Variants in MAML3 observed in about 807,000 individuals in gnomAD.
MAML3 encodes the protein mastermind-like protein 3.
In MAML3, 27 loss-of-function variants were observed where a neutral mutation model predicts 101.9. The ratio of observed to expected loss-of-function variants is 0.27; its 90% confidence interval spans 0.20 to 0.37. MAML3 has a LOEUF of 0.37. MAML3 is among the 10% of genes least tolerant of loss of function. The probability of loss-of-function intolerance (pLI) is 1.00; values close to 1 mark genes in which losing one functional copy is unlikely to be tolerated. For synonymous variants in MAML3, 501 were observed against 555.9 expected, an observed-to-expected ratio of 0.90 and a Z score of 1.39; for missense variants, 1,316 against 1,444.9, an observed-to-expected ratio of 0.91 and a Z score of 1.45.
At chr4:139,884,535 G>T (rs1216325376) in intron 2 of MAML3, among the ~76,000 whole-genome samples, 2 of 152,132 alleles carry the variant, frequency 1.3e-5, no homozygotes, top group Non-Finnish European at 2.9e-5. Context: ...GTTATTCTTG[G>T]GCTCTGGGCT....
At chr4:140,022,384 T>A (rs1285218452) in intron 1 of MAML3, among the ~76,000 whole-genome samples, 1 of 152,172 alleles carries the variant, frequency 6.6e-6, no homozygotes, top group African/African-American at 2.4e-5. Context: ...TGGGGTAAAG[T>A]TAAAGTAAGG....
chr4:139,762,924 G>T (rs981117605), intron 2 of MAML3, among the ~76,000 whole-genome samples: 1 of 152,072 alleles, frequency 6.6e-6, no homozygotes, highest in African/African-American at 2.4e-5. Context: ...TGCATATTTC[G>T]TGTCTATGTG....
intron 2 of MAML3, among the ~76,000 whole-genome samples, chr4:139,732,923 G>A (rs1449898702): frequency 6.6e-6 from 1 of 152,164 alleles, no homozygotes; most frequent in Non-Finnish European, 1.5e-5. Flanking sequence ...AAGACAGCTA[G>A]GAAATATTTT....
At chr4:139,749,397 T>C (rs996296425) in intron 2 of MAML3, among the ~76,000 whole-genome samples, 2 of 152,230 alleles carry the variant, frequency 1.3e-5, no homozygotes, top group Non-Finnish European at 2.9e-5. Flanking sequence ...TATATTCCCT[T>C]CCTAATCTGC....
chr4:139,773,649 T>C lies in MAML3; in HGVS notation c.2080-42982A>G, dbSNP rs183778924. Among the ~76,000 whole-genome samples, 549 of 151,982 alleles carry C rather than the reference T, an allele frequency of 3.6e-3. 1 individual carries two copies. The highest frequency in any genetic ancestry group is 5.4e-3 in the Non-Finnish European group (364 of 67,922). On this transcript the variant is annotated intron_variant, in intron 2 of 4. Transcript: ENST00000509479. ...GAAGATGAGCCTGTGCAAAACAAAATAAAAAAGGAGATTCTGAAGTTCCTC... is the reference window on the plus strand; with the variant it reads ...GAAGATGAGCCTGTGCAAAACAAAACAAAAAAGGAGATTCTGAAGTTCCTC...
chr4:140,009,812 G>A, intron 1 of MAML3, among the ~76,000 whole-genome samples: 1 of 152,190 alleles, frequency 6.6e-6, no homozygotes, highest in East Asian at 1.9e-4. Flanking sequence ...ATAAGAATCT[G>A]GGAAGGTACT....
intron 2 of MAML3, among the ~76,000 whole-genome samples, chr4:139,748,378 T>C (rs1000306338): frequency 3.1e-4 from 47 of 152,194 alleles, no homozygotes; most frequent in African/African-American, 1.0e-3. Context: ...CTAAGGGACC[T>C]GAATACCAGG....
intron 2 of MAML3, among the ~76,000 whole-genome samples, chr4:139,838,297 T>C (rs558312821): frequency 1.3e-5 from 2 of 152,318 alleles, no homozygotes; most frequent in East Asian, 1.9e-4. Flanking sequence ...AGGCACTAGA[T>C]TTTTAGCTTT....
chr4:139,982,916 TATCA>T (rs1270667831), intron 1 of MAML3, among the ~76,000 whole-genome samples: 1 of 152,204 alleles, frequency 6.6e-6, no homozygotes, highest in African/African-American at 2.4e-5. Flanking sequence ...AGGAAAAAAC[TATCA>T]ATCAGAGTAC....
chr4:139,727,247 G>A (rs1728509835), intron 3 of MAML3, among the ~76,000 whole-genome samples: 1 of 152,180 alleles, frequency 6.6e-6, no homozygotes, highest in Admixed American at 6.5e-5. Context: ...CTACCATAAT[G>A]TTCTACAGAA....
At chr4:139,837,217 GC>G (rs1731270476) in intron 2 of MAML3, among the ~76,000 whole-genome samples, 2 of 151,570 alleles carry the variant, frequency 1.3e-5, no homozygotes, top group South Asian at 4.2e-4. Flanking sequence ...ACTTTTCCTG[GC>G]CGGCGTGGTG....
rs377343968 is a variant in MAML3, at chr4:139,856,450, T to C, written c.2079+32907A>G. 3.8e-4 allele frequency among the ~76,000 whole-genome samples: 58 copies of C among 152,316 alleles called. No homozygotes were observed. The South Asian group carries it at 7.5e-3, about 20-fold the overall frequency. ...AGCGACTGACTTTAACTCTCTCCTC[T>C]AGCATAAAGCAGTTTTCTGGATGGA... On this transcript the variant is annotated intron_variant, in intron 2 of 4. Coordinates refer to ENST00000509479, the MANE Select transcript of MAML3 (RefSeq NM_018717.5).
chr4:139,833,112 C>T (rs1346859243), intron 2 of MAML3, among the ~76,000 whole-genome samples: 4 of 152,212 alleles, frequency 2.6e-5, no homozygotes, highest in African/African-American at 9.7e-5. Flanking sequence ...CCTCACTCTT[C>T]GTCACGTCAC....
intron 1 of MAML3, among the ~76,000 whole-genome samples, chr4:139,902,261 A>G (rs1450833036): frequency 4.4e-4 from 31 of 70,658 alleles, no homozygotes; most frequent in Admixed American, 1.4e-3. Context: ...ACGCACACAC[A>G]CGCACACACA....
chr4:140,055,756 A>C (rs918030568), intron 1 of MAML3, among the ~76,000 whole-genome samples: 1 of 152,200 alleles, frequency 6.6e-6, no homozygotes, highest in Non-Finnish European at 1.5e-5. Flanking sequence ...CACCATGGGC[A>C]GTCAGGCAGT....
At chr4:139,970,321 T>A (rs1369294617) in intron 1 of MAML3, among the ~76,000 whole-genome samples, 1 of 152,072 alleles carries the variant, frequency 6.6e-6, no homozygotes, top group Admixed American at 6.5e-5. Flanking sequence ...AAGCAAAAGC[T>A]GGAAGTAGGA....
At chr4:139,814,730 G>A (rs1730865479) in intron 2 of MAML3, among the ~76,000 whole-genome samples, 1 of 152,036 alleles carries the variant, frequency 6.6e-6, no homozygotes, top group Non-Finnish European at 1.5e-5. Context: ...GCACACAGTG[G>A]CTGGGAGTTT....
chr4:140,138,580 C>T lies in MAML3; in HGVS notation c.468+14280G>A, dbSNP rs147096487. ...TGAGGTGCTGATCTGCACACACCAC[C>T]GTGAGGAAATACCTTAAGTGATTAA... On this transcript the variant is annotated intron_variant, in intron 1 of 4. Coordinates refer to ENST00000509479, the MANE Select transcript of MAML3 (RefSeq NM_018717.5). 4.1e-3 allele frequency among the ~76,000 whole-genome samples: 631 copies of T among 152,236 alleles called. 1 individual carries two copies. Among genetic ancestry groups the T allele is most frequent in the Middle Eastern group, 6.8e-3 (2 of 294 alleles).
intron 1 of MAML3, among the ~76,000 whole-genome samples, chr4:139,908,369 G>T (rs1732857322): frequency 6.6e-6 from 1 of 152,066 alleles, no homozygotes; most frequent in Admixed American, 6.5e-5. Context: ...TGCTAATTTT[G>T]CATTTAGCTG....
Sources: gnomAD v4.1 joint callset for allele counts (sites outside exome capture counted in the v4.1 genomes callset) on GRCh38, gnomAD v4.1.1 for gene constraint, MANE v1.5 for transcripts, NCBI Gene and HGNC (gene_info 2026-07-23, HGNC 2026-07-21) for gene names.